Variants in TMEM71 observed in about 807,000 individuals in gnomAD.
The protein encoded by TMEM71 is transmembrane protein 71.
In TMEM71, 44 loss-of-function variants were observed where a neutral mutation model predicts 38.0. The observed-to-expected ratio is 1.16, with a 90% CI of 0.91 to 1.49. The LOEUF (loss-of-function observed/expected upper bound fraction) is 1.49, where lower values mean the gene tolerates loss of function less well. TMEM71 is among the 40% of genes most tolerant of loss of function. TMEM71 has a pLI of 0.00. For synonymous variants in TMEM71, 133 were observed against 122.5 expected, an observed-to-expected ratio of 1.09 and a Z score of -0.56; for missense variants, 367 against 348.6, an observed-to-expected ratio of 1.05 and a Z score of -0.42.
intron 3 of TMEM71, among the ~76,000 whole-genome samples, chr8:132,753,201 G>A (rs937466042): frequency 6.6e-6 from 1 of 151,978 alleles, no homozygotes; most frequent in African/African-American, 2.4e-5. Context: ...AAAATGTTCA[G>A]TATGTAAATA....
chr8:132,754,969 T>C (rs755028154), intron 3 of TMEM71, among the ~76,000 whole-genome samples: 8 of 152,220 alleles, frequency 5.3e-5, no homozygotes, highest in Non-Finnish European at 1.0e-4. Context: ...TTAAATTCAT[T>C]GTTCAATAAC....
intron 4 of TMEM71, among the ~76,000 whole-genome samples, chr8:132,748,639 T>C (rs1398280500): frequency 1.3e-5 from 2 of 152,218 alleles, no homozygotes; most frequent in Non-Finnish European, 2.9e-5. Flanking sequence ...TCAATTAAAA[T>C]TGAATAAAAA....
At chr8:132,770,566 T>C in the TMEM71 span, among the ~76,000 whole-genome samples, 1 of 152,236 alleles carries the variant, frequency 6.6e-6, no homozygotes, top group Non-Finnish European at 1.5e-5. Context: ...TGTCTTAAGC[T>C]GTTGGGGATC....
At chr8:132,724,055 T>G (rs1002493912) in intron 6 of TMEM71, among the ~76,000 whole-genome samples, 2 of 151,994 alleles carry the variant, frequency 1.3e-5, no homozygotes, top group Non-Finnish European at 2.9e-5. Flanking sequence ...AGCAAGTAGG[T>G]CACAAAGATC....
chr8:132,771,565 G>A, the TMEM71 span, among the ~76,000 whole-genome samples: 1 of 151,344 alleles, frequency 6.6e-6, no homozygotes, highest in Non-Finnish European at 1.5e-5. Flanking sequence ...ATATATCAAA[G>A]TAATATATAT....
At chr8:132,749,442 C>T (rs1828569962) in intron 4 of TMEM71, among the ~76,000 whole-genome samples, 1 of 152,196 alleles carries the variant, frequency 6.6e-6, no homozygotes, top group Non-Finnish European at 1.5e-5. Context: ...GCTCCCTTGC[C>T]ATTAGGTGTG....
At chr8:132,711,795 C>T (rs1434257457) in intron 9 of TMEM71, among the ~76,000 whole-genome samples, 1 of 152,068 alleles carries the variant, frequency 6.6e-6, no homozygotes, top group Non-Finnish European at 1.5e-5. Context: ...GCTAAAGAGG[C>T]ACCTAATCTA....
the TMEM71 span, among the ~76,000 whole-genome samples, chr8:132,769,155 A>G: frequency 6.6e-6 from 1 of 152,262 alleles, no homozygotes; most frequent in Non-Finnish European, 1.5e-5. Context: ...TTGAAACTAT[A>G]AAGAAGTGTA....
upstream of TMEM71, among the ~76,000 whole-genome samples, chr8:132,763,005 C>T (rs1399869116): frequency 6.6e-6 from 1 of 152,212 alleles, no homozygotes; most frequent in East Asian, 1.9e-4. Context: ...AATCTTCTCT[C>T]TTGAGACCCA....
rs55767264 is a variant in TMEM71, at chr8:132,756,411, TTATATATATA to T, written c.101+813_101+822del. Among the ~76,000 whole-genome samples, 311 of 115,806 alleles carry T rather than the reference TTATATATATA, an allele frequency of 2.7e-3. 2 individuals carry two copies. The highest frequency in any genetic ancestry group is 3.9e-3 in the Non-Finnish European group (237 of 60,224). 76.0% of individuals were successfully genotyped at this position (115,806 alleles called of 152,430 possible). ...CCATATATTGACACTAACATATATA[TTATATATATA>T]TATATATATATATATATATATTCAT... On this transcript the variant is annotated intron_variant, in intron 3 of 9. Coordinates refer to ENST00000677595, the MANE Select transcript of TMEM71 (RefSeq NM_001382403.1).
the TMEM71 span, chr8:132,775,367 G>A: frequency 2.8e-6 from 1 of 361,788 alleles, no homozygotes. Context: ...GGCTGACGTC[G>A]CCGGGGCCCG....
intron 5 of TMEM71, among the ~76,000 whole-genome samples, chr8:132,733,860 G>C (rs1264153210): frequency 6.6e-6 from 1 of 152,158 alleles, no homozygotes; most frequent in Non-Finnish European, 1.5e-5. Context: ...CAAGAACATG[G>C]ATAAACCTGG....
chr8:132,713,918 G>A, intron 9 of TMEM71, 77 bp downstream of exon 9: 1 of 1,383,792 alleles, frequency 7.2e-7, no homozygotes, highest in Middle Eastern at 1.8e-4. Context: ...CATCTACTAT[G>A]CAGCAGAAAC....
the TMEM71 span, among the ~76,000 whole-genome samples, chr8:132,770,536 C>T: frequency 3.4e-4 from 51 of 152,152 alleles, no homozygotes; most frequent in Admixed American, 1.3e-4. Flanking sequence ...TTTGTTTTTA[C>T]GGTCGCCAGG....
chr8:132,743,114 T>G (rs1331442848), intron 5 of TMEM71, among the ~76,000 whole-genome samples: 4 of 152,024 alleles, frequency 2.6e-5, no homozygotes, highest in Non-Finnish European at 4.4e-5. Flanking sequence ...GAGATTTGGG[T>G]GGGGACACAG....
intron 7 of TMEM71, among the ~76,000 whole-genome samples, chr8:132,718,264 A>G (rs1826642642): frequency 6.6e-6 from 1 of 152,206 alleles, no homozygotes; most frequent in South Asian, 2.1e-4. Context: ...AGCATTTTTT[A>G]AAATGCAATG....
At chr8:132,766,073 C>A in the TMEM71 span, among the ~76,000 whole-genome samples, 1 of 152,090 alleles carries the variant, frequency 6.6e-6, no homozygotes, top group African/African-American at 2.4e-5. Context: ...TATGAGCCAC[C>A]GCACCCTGCC....
Position 132,720,579 on chromosome 8 carries a change from C to G in TMEM71, c.752+1461G>C, listed in dbSNP as rs189867108. Among the ~76,000 whole-genome samples the G allele has an allele frequency of 5.3e-5, 8 of 152,212 alleles. No individual in the cohort carries two copies. In the East Asian group the frequency reaches 1.2e-3, roughly 22 times the overall value. On this transcript the variant is annotated intron_variant, in intron 7 of 9. Coordinates refer to ENST00000677595, the MANE Select transcript of TMEM71 (RefSeq NM_001382403.1). Reference sequence around the variant, plus strand: ...ACACTCCACTTTTGTTCTTGTGGTCCCATTGTGATCTAAAAATGTTTTGCA... The same window carrying G: ...ACACTCCACTTTTGTTCTTGTGGTCGCATTGTGATCTAAAAATGTTTTGCA...
At chr8:132,766,408 CGGG>C in the TMEM71 span, among the ~76,000 whole-genome samples, 1 of 30,958 alleles carries the variant, frequency 3.2e-5, no homozygotes. Flanking sequence ...ACATGGGGGG[CGGG>C]GGGGAAAGGA....
Sources: gnomAD v4.1 joint callset for allele counts (sites outside exome capture counted in the v4.1 genomes callset) on GRCh38, gnomAD v4.1.1 for gene constraint, MANE v1.5 for transcripts, NCBI Gene and HGNC (gene_info 2026-07-23, HGNC 2026-07-21) for gene names.